Variants in CNTNAP2 observed in about 807,000 individuals in gnomAD.
CNTNAP2 encodes contactin associated protein 2.
A neutral mutation model predicts 155.2 loss-of-function variants in CNTNAP2; 98 were observed. The ratio of observed to expected loss-of-function variants is 0.63; its 90% confidence interval spans 0.54 to 0.75. The LOEUF (loss-of-function observed/expected upper bound fraction) is 0.75. CNTNAP2 is among the 30% of genes least tolerant of loss of function. The pLI is 0.00. For missense variants in CNTNAP2, 1,727 were observed against 1,688.1 expected (o/e 1.02, Z -0.40); for synonymous variants, 651 against 631.2 (o/e 1.03, Z -0.47).
Position 146,945,796 on chromosome 7 carries a change from G to T in CNTNAP2, c.403-98111G>T, listed in dbSNP as rs563023264. On this transcript the variant is annotated intron_variant, in intron 3 of 23. Transcript: ENST00000361727. ...TGTTGGAAATGTAAGAAAATGTAAA[G>T]AAAATTTTATTTCATATTTCATTTT... is the stretch of plus-strand genomic sequence containing the variant. Among the ~76,000 whole-genome samples the T allele has an allele frequency of 9.1e-4, 138 of 152,170 alleles. 1 individual carries two copies. The highest frequency in any genetic ancestry group is 3.1e-3 in the African/African-American group (130 of 41,508).
At chr7:146,923,054 G>T (rs1796536422) in intron 3 of CNTNAP2, among the ~76,000 whole-genome samples, 1 of 152,166 alleles carries the variant, frequency 6.6e-6, no homozygotes, top group African/African-American at 2.4e-5. Context: ...TGCAGACAAG[G>T]TCATGCAGAA....
chr7:146,497,656 A>C (rs1400258000), intron 1 of CNTNAP2, among the ~76,000 whole-genome samples: 1 of 151,864 alleles, frequency 6.6e-6, no homozygotes, highest in Non-Finnish European at 1.5e-5. Context: ...AATTAAAAGA[A>C]GAGGTCTTGT....
chr7:147,313,167 T>G (rs1795156965), intron 9 of CNTNAP2, among the ~76,000 whole-genome samples: 1 of 151,126 alleles, frequency 6.6e-6, no homozygotes, highest in Non-Finnish European at 1.5e-5. Context: ...TTTTAGCCCT[T>G]TGTCAGATGA....
At chr7:147,994,790 C>T (rs1353137767) in intron 15 of CNTNAP2, among the ~76,000 whole-genome samples, 1 of 152,130 alleles carries the variant, frequency 6.6e-6, no homozygotes, top group Non-Finnish European at 1.5e-5. Flanking sequence ...TGGACTAACA[C>T]ACAAGGTAAC....
At chr7:148,184,194 G>C in intron 18 of CNTNAP2, among the ~76,000 whole-genome samples, 1 of 152,148 alleles carries the variant, frequency 6.6e-6, no homozygotes, top group East Asian at 1.9e-4. Flanking sequence ...AGCATTTTGG[G>C]AGGCTGAGGC....
intron 1 of CNTNAP2, among the ~76,000 whole-genome samples, chr7:146,563,029 A>G (rs144583015): frequency 3.9e-5 from 6 of 152,324 alleles, no homozygotes; most frequent in Non-Finnish European, 8.8e-5. Flanking sequence ...GTTTAGAGAA[A>G]TCAACTTGTC....
intron 1 of CNTNAP2, among the ~76,000 whole-genome samples, chr7:146,245,786 A>G (rs1403857923): frequency 7.2e-5 from 11 of 152,002 alleles, no homozygotes; most frequent in South Asian, 4.1e-4. Flanking sequence ...TGCTGAGCCT[A>G]ATGGGTATCA....
intron 4 of CNTNAP2, among the ~76,000 whole-genome samples, chr7:147,105,514 T>G (rs867829117): frequency 1.3e-5 from 2 of 152,028 alleles, no homozygotes; most frequent in African/African-American, 2.4e-5. Flanking sequence ...TCAAATGAAA[T>G]TTTAATCTAT....
At chr7:147,274,806 G>T (rs956865551) in intron 8 of CNTNAP2, among the ~76,000 whole-genome samples, 2 of 151,644 alleles carry the variant, frequency 1.3e-5, no homozygotes, top group Non-Finnish European at 2.9e-5. Context: ...ATAGTTTCAG[G>T]TCTTACATTC....
At chr7:147,729,532 G>C (rs1796704679) in intron 13 of CNTNAP2, among the ~76,000 whole-genome samples, 1 of 145,672 alleles carries the variant, frequency 6.9e-6, no homozygotes. Flanking sequence ...CTAATTCATA[G>C]AATTAGGTAA....
chr7:146,692,938 A>T (rs1323369813), intron 1 of CNTNAP2, among the ~76,000 whole-genome samples: 1 of 152,122 alleles, frequency 6.6e-6, no homozygotes, highest in Non-Finnish European at 1.5e-5. Flanking sequence ...GCCATGAAAT[A>T]CACTATCCAT....
intron 1 of CNTNAP2, among the ~76,000 whole-genome samples, chr7:146,652,130 G>C (rs1006951722): frequency 6.6e-6 from 1 of 151,990 alleles, no homozygotes; most frequent in Non-Finnish European, 1.5e-5. Context: ...AAAGAAAAAA[G>C]TTAAATTCAG....
intron 12 of CNTNAP2, among the ~76,000 whole-genome samples, chr7:147,582,608 A>T (rs1179605729): frequency 6.6e-6 from 1 of 152,150 alleles, no homozygotes; most frequent in Non-Finnish European, 1.5e-5. Flanking sequence ...TTTAGTAGTA[A>T]AGAAATTCTT....
At position 147,929,210 on chromosome 7, in the gene CNTNAP2, T is replaced by C. The variant is rs1046781360; in HGVS notation, c.2255+25489T>C. Among the ~76,000 whole-genome samples, 5 of 151,390 alleles carry C rather than the reference T, an allele frequency of 3.3e-5. No individual in the cohort carries two copies. The East Asian group carries it at 9.7e-4, about 29-fold the overall frequency. On this transcript the variant is annotated intron_variant, in intron 14 of 23. Coordinates refer to ENST00000361727, the MANE Select transcript of CNTNAP2 (RefSeq NM_014141.6). Reference sequence around the variant, plus strand: ...ATAGAGGCAAGATAGAGCAGTCAAATTGTGATGACCAGTATGAGCTGCATT... The same window carrying C: ...ATAGAGGCAAGATAGAGCAGTCAAACTGTGATGACCAGTATGAGCTGCATT...
At chr7:147,792,004 T>A (rs1296028265) in intron 13 of CNTNAP2, among the ~76,000 whole-genome samples, 1 of 152,146 alleles carries the variant, frequency 6.6e-6, no homozygotes, top group African/African-American at 2.4e-5. Flanking sequence ...TCTCCTAGTG[T>A]TTCCCCTAAG....
chr7:146,499,838 A>G (rs747264374), intron 1 of CNTNAP2, among the ~76,000 whole-genome samples: 1 of 152,214 alleles, frequency 6.6e-6, no homozygotes, highest in African/African-American at 2.4e-5. Context: ...AACTCTTACA[A>G]TCCATAAACA....
At chr7:146,168,460 C>T (rs59335127) in intron 1 of CNTNAP2, among the ~76,000 whole-genome samples, 63,706 of 151,920 alleles carry the variant, frequency 0.42, 15,322 homozygotes, top group East Asian at 0.63. Flanking sequence ...CAGAGACTCC[C>T]GTTATTTTTT....
At chr7:147,169,040 A>G (rs1284619963) in intron 8 of CNTNAP2, among the ~76,000 whole-genome samples, 3 of 152,180 alleles carry the variant, frequency 2.0e-5, no homozygotes, top group African/African-American at 4.8e-5. Flanking sequence ...CCTTTCAAAT[A>G]ACTCCACTAA....
intron 3 of CNTNAP2, among the ~76,000 whole-genome samples, chr7:146,971,928 C>T (rs193211731): frequency 1.3e-5 from 2 of 152,278 alleles, no homozygotes; most frequent in Admixed American, 1.3e-4. Context: ...ATTTATATCA[C>T]GCATCTACTT....
Sources: allele counts gnomAD v4.1 joint callset (sites outside exome capture counted in the v4.1 genomes callset), GRCh38; gene constraint gnomAD v4.1.1; transcripts MANE v1.5; gene names NCBI Gene and HGNC (gene_info 2026-07-23, HGNC 2026-07-21).